FMNL3: variants seen among roughly 807,000 people sequenced by gnomAD.
FMNL3 encodes formin-like protein 3.
A neutral mutation model predicts 119.6 loss-of-function variants in FMNL3; 57 were observed. That is an observed-to-expected ratio of 0.48 (90% CI 0.39 to 0.59). The LOEUF (loss-of-function observed/expected upper bound fraction) is 0.59. FMNL3 is among the 20% of genes least tolerant of loss of function. The pLI, the probability that FMNL3 is intolerant of heterozygous loss-of-function variation, is 0.00. For missense variants in FMNL3, 1,053 were observed against 1,323.5 expected (o/e 0.80, Z 3.17); for synonymous variants, 491 against 507.3 (o/e 0.97, Z 0.43).
At position 49,647,875 on chromosome 12, in the gene FMNL3, A is replaced by G; in HGVS notation, c.2677-71T>C. ...GCCCAGCTCCCACACCACGGATGAG[A>G]GGCCTGCAGAAAGCAGAGCCCAGGG... is the stretch of plus-strand genomic sequence containing the variant. On this transcript the variant is annotated intron_variant, in intron 22 of 25. Coordinates refer to ENST00000335154, the MANE Select transcript of FMNL3 (RefSeq NM_175736.5). This position sits in a 1 kb window ranked among gnomAD's most constrained non-coding sequence, Gnocchi z 4.9. 8.0e-7 allele frequency: 1 copy of G among 1,254,052 alleles called. No individual in the cohort carries two copies. The highest frequency in any genetic ancestry group is 1.2e-6 in the Non-Finnish European group (1 of 865,296). The allele number at this position is 1,254,052 out of a possible 1,614,324, so 77.7% of individuals were successfully genotyped here. A position where few individuals can be genotyped will look rare whatever the true frequency, so the allele number is the denominator to read the frequency against.
intron 1 of FMNL3, among the ~76,000 whole-genome samples, chr12:49,698,672 A>G (rs1944820246): frequency 6.6e-6 from 1 of 152,198 alleles, no homozygotes; most frequent in African/African-American, 2.4e-5. Context: ...AGTAGAGAGG[A>G]AAGTGGGAGG....
rs926327767 is a variant in FMNL3 at position 49,643,703 on chromosome 12, G to A, written c.*2112C>T. 6.8e-6 allele frequency: 11 copies of A among 1,613,892 alleles called. No homozygotes were observed. Among genetic ancestry groups the A allele is most frequent in the South Asian group, 5.5e-5 (5 of 91,052 alleles). ...TTTCTATCTCTAGATCATGGCCTTC[G>A]GAAAGCCAAGAAACCAAAAAAGAAA... is the stretch of plus-strand genomic sequence containing the variant. On this transcript the variant is annotated 3_prime_UTR_variant, in exon 26 of 26. Transcript: ENST00000335154.
rs1255278628 is a variant in FMNL3, at chr12:49,687,140, C to T, written c.127-18586G>A. Among the ~76,000 whole-genome samples, 2 of 149,286 alleles carry T rather than the reference C, an allele frequency of 1.3e-5. 1 individual carries two copies. Among genetic ancestry groups the T allele is most frequent in the Middle Eastern group, 6.5e-3 (2 of 310 alleles). On this transcript the variant is annotated intron_variant, in intron 1 of 25. Coordinates refer to ENST00000335154, the MANE Select transcript of FMNL3 (RefSeq NM_175736.5). ...GACGGAGTCTCATTCTGTCTCCAGG[C>T]TGGAGTGCAGTGGCGCGATCTCGGC...
At chr12:49,706,503 A>T (rs1358341489) in intron 1 of FMNL3, among the ~76,000 whole-genome samples, 4 of 152,018 alleles carry the variant, frequency 2.6e-5, no homozygotes, top group Non-Finnish European at 5.9e-5. Context: ...AGAATGGCAT[A>T]CTCTTTATTC....
chr12:49,655,160 G>T (rs768500015), intron 9 of FMNL3, among the ~76,000 whole-genome samples, 176 bp from the exon 10 acceptor site: 1 of 152,114 alleles, frequency 6.6e-6, no homozygotes. Context: ...GGCCAGGCGC[G>T]GTGGCTCACA....
At chr12:49,693,478 A>C (rs1288075557) in intron 1 of FMNL3, among the ~76,000 whole-genome samples, 1 of 151,530 alleles carries the variant, frequency 6.6e-6, no homozygotes, top group African/African-American at 2.4e-5. Flanking sequence ...CCCAGGTTCA[A>C]GTGATTCTCG....
In FMNL3 at chr12:49,651,976, T is replaced by TGGA; in HGVS notation, c.1557_1559dup (p.Pro522dup). On this transcript the variant is annotated inframe_insertion, in exon 14 of 26. Transcript: ENST00000335154. Reference sequence around the variant, plus strand: ...GAGGGGGCAAGGGCGGAGCTGGTGGTGGAGGAAGAGGCAGGACCTCCTCAG... The same window carrying TGGA: ...GAGGGGGCAAGGGCGGAGCTGGTGGTGGAGGAGGAAGAGGCAGGACCTCCTCAG... 1.2e-6 allele frequency: 2 copies of TGGA among 1,605,488 alleles called. No individual in the cohort carries two copies.
intron 10 of FMNL3, 30 bp from the exon 11 acceptor site, chr12:49,654,332 A>G (rs751546843): frequency 6.3e-7 from 1 of 1,594,760 alleles, no homozygotes; most frequent in Non-Finnish European, 8.6e-7. Context: ...GAGAAGCAGC[A>G]ACAGGAAGGG....
rs1464810937 is a variant in FMNL3 at position 49,636,622 on chromosome 12, C to G, written c.*9193G>C. The G allele has an allele frequency of 6.4e-7, 1 of 1,565,490 alleles. No homozygotes were observed. Among genetic ancestry groups the G allele is most frequent in the Non-Finnish European group, 8.7e-7 (1 of 1,146,388 alleles). On this transcript the variant is annotated 3_prime_UTR_variant, in exon 26 of 26. Transcript: ENST00000335154. ...CCACCACCCTGGGTATCCCTAGCAC[C>G]TGTAGGACAGCATCGTTGAAACATT...
At chr12:49,671,776 C>G in intron 1 of FMNL3, among the ~76,000 whole-genome samples, 1 of 152,328 alleles carries the variant, frequency 6.6e-6, no homozygotes, top group Non-Finnish European at 1.5e-5. Context: ...AGTGGTTCCA[C>G]AGACACTGTA....
intron 1 of FMNL3, among the ~76,000 whole-genome samples, chr12:49,669,454 G>A (rs1176157670): frequency 1.3e-5 from 2 of 152,154 alleles, no homozygotes; most frequent in Non-Finnish European, 2.9e-5. Flanking sequence ...AGGAGGCTAC[G>A]TTCCCTACCT....
chr12:49,649,582 G>A lies in FMNL3; in HGVS notation c.2236-44C>T. ...ACTGAAGTAACCCCAGGCTGAGATG[G>A]GGTAAAGACAGGGAGGGGTCAGAAG... On this transcript the variant is annotated intron_variant, in intron 18 of 25. Transcript: ENST00000335154. The surrounding 1 kb of genome is among the most constrained non-coding windows in gnomAD (Gnocchi z 5.6). The A allele has an allele frequency of 1.5e-5, 24 of 1,613,450 alleles. No homozygotes were observed. Among genetic ancestry groups the A allele is most frequent in the Non-Finnish European group, 2.0e-5 (23 of 1,179,414 alleles).
intron 1 of FMNL3, among the ~76,000 whole-genome samples, chr12:49,706,049 A>C (rs752839119): frequency 1.5e-4 from 23 of 151,580 alleles, no homozygotes; most frequent in Non-Finnish European, 3.4e-4. Context: ...TTCTTAGAAA[A>C]CTCTTTGGGG....
intron 1 of FMNL3, among the ~76,000 whole-genome samples, chr12:49,699,840 T>A (rs1944853232): frequency 6.6e-6 from 1 of 152,192 alleles, no homozygotes; most frequent in African/African-American, 2.4e-5. Flanking sequence ...GTCTAATTAA[T>A]CAAACTGGCA....
intron 1 of FMNL3, among the ~76,000 whole-genome samples, chr12:49,694,460 T>C (rs2139020680): frequency 6.6e-6 from 1 of 152,290 alleles, no homozygotes; most frequent in African/African-American, 2.4e-5. Flanking sequence ...GCAGAATGGT[T>C]TCCTAAAGGT....
At position 49,648,213 on chromosome 12, in the gene FMNL3, G is replaced by A. The variant is rs1453513658; in HGVS notation, c.2656C>T (p.Arg886Trp). Reference protein sequence around the residue: ...TNEGKLDKLQRDAKTAEEAYN... With the variant: ...TNEGKLDKLQWDAKTAEEAYN... ...CTTGCCTCAGCCGTCTTGGCGTCCC[G>A]CTGGAGCTTGTCTAGTTTGCCTTCA... Residue 886 changes from arginine to tryptophan, a missense_variant, in exon 22 of 26, where the codon CGG (arginine) becomes TGG (tryptophan). Coordinates refer to ENST00000335154, the MANE Select transcript of FMNL3 (RefSeq NM_175736.5). The A allele has an allele frequency of 9.9e-6, 16 of 1,613,280 alleles. No individual in the cohort carries two copies. The highest frequency in any genetic ancestry group is 3.3e-5 in the Admixed American group (2 of 59,924).
chr12:49,653,977 C>T lies in FMNL3; in HGVS notation c.1072-103G>A, dbSNP rs1365731552. 2.1e-6 allele frequency: 3 copies of T among 1,444,042 alleles called. No individual in the cohort carries two copies. In the African/African-American group the frequency reaches 4.2e-5, roughly 20 times the overall value. The allele number at this position is 1,444,042 out of a possible 1,614,324, so 89.5% of individuals were successfully genotyped here. ...CCTCATCCCCCTTCGCCACCACTTC[C>T]CAAAGAGTTCCTGCTGCAGGCCATG... On this transcript the variant is annotated intron_variant, in intron 11 of 25. Coordinates refer to ENST00000335154, the MANE Select transcript of FMNL3 (RefSeq NM_175736.5).
chr12:49,677,626 T>C (rs1408245378), intron 1 of FMNL3, among the ~76,000 whole-genome samples: 1 of 152,214 alleles, frequency 6.6e-6, no homozygotes, highest in African/African-American at 2.4e-5. Context: ...GGGAAACAAC[T>C]CTATGTCAAG....
At chr12:49,656,295 TG>T (rs377230443) in intron 9 of FMNL3, 108 bp downstream of exon 9, 807 of 786,346 alleles carry the variant, frequency 1.0e-3, no homozygotes, top group Non-Finnish European at 1.3e-3. Context: ...GGCCAAGCAT[TG>T]GGATGTTAAA....
Sources: gnomAD v4.1 joint callset for allele counts (sites outside exome capture counted in the v4.1 genomes callset) on GRCh38, gnomAD v4.1.1 for gene constraint, Gnocchi (gnomAD v3.1) non-coding constraint, MANE v1.5 for transcripts, NCBI Gene and HGNC (gene_info 2026-07-23, HGNC 2026-07-21) for gene names.